Variants in TECTA observed in about 807,000 individuals in gnomAD.
TECTA encodes the protein alpha-tectorin.
A neutral mutation model predicts 216.8 loss-of-function variants in TECTA; 128 were observed. That is an observed-to-expected ratio of 0.59 (90% CI 0.51 to 0.68). TECTA has a LOEUF of 0.68. Among genes scored for constraint, TECTA ranks in the 30% least tolerant of loss-of-function variants. The pLI, the probability that TECTA is intolerant of heterozygous loss-of-function variation, is 0.00. For missense variants in TECTA, 2,551 were observed against 2,786.2 expected (o/e 0.92, Z 1.90); for synonymous variants, 1,089 against 1,117.1 (o/e 0.97, Z 0.50).
intron 20 of TECTA, among the ~76,000 whole-genome samples, chr11:121,172,255 G>A (rs1007665821): frequency 3.9e-5 from 6 of 151,962 alleles, no homozygotes; most frequent in Admixed American, 2.6e-4. Flanking sequence ...AGTTACATAT[G>A]TATACATGTG....
chr11:121,163,074 C>T (rs921925840), intron 16 of TECTA, among the ~76,000 whole-genome samples: 1 of 152,074 alleles, frequency 6.6e-6, no homozygotes, highest in African/African-American at 2.4e-5. Context: ...ACTAGTGTGG[C>T]CAATGGAATG....
At chr11:121,170,439 T>C (rs1295752962) in intron 20 of TECTA, among the ~76,000 whole-genome samples, 3 of 145,712 alleles carry the variant, frequency 2.1e-5, no homozygotes, top group African/African-American at 8.5e-5. Context: ...TTTTGTTTTG[T>C]TTGGTTTTGT....
At chr11:121,158,326 T>A in intron 14 of TECTA, 102 bp downstream of exon 14, 6 of 1,479,016 alleles carry the variant, frequency 4.1e-6, no homozygotes, top group Non-Finnish European at 5.6e-6. Context: ...TAGGATAGAT[T>A]GTTGCTTCAT....
rs551848615 is a variant in TECTA at position 121,144,679 on chromosome 11, C to A, written c.3544-876C>A. On this transcript the variant is annotated intron_variant, in intron 11 of 23. Coordinates refer to ENST00000392793, the MANE Select transcript of TECTA (RefSeq NM_005422.4). The stretch of plus-strand genomic sequence containing the variant: ...CTGGAGTTTACTGTTAAGGGATTTC[C>A]CTCTTGTCTGAATTTAAAAATATGT... 2.6e-5 allele frequency among the ~76,000 whole-genome samples: 4 copies of A among 152,282 alleles called. No individual in the cohort carries two copies. The South Asian group carries it at 8.3e-4, about 32-fold the overall frequency.
intron 10 of TECTA, among the ~76,000 whole-genome samples, chr11:121,135,188 G>A (rs1185171066): frequency 6.6e-6 from 1 of 152,210 alleles, no homozygotes; most frequent in Non-Finnish European, 1.5e-5. Flanking sequence ...GATGACAGCT[G>A]TGAATCAGGA....
intron 20 of TECTA, among the ~76,000 whole-genome samples, chr11:121,182,898 C>T (rs1387079387): frequency 1.3e-5 from 2 of 152,134 alleles, no homozygotes; most frequent in Non-Finnish European, 2.9e-5. Flanking sequence ...CCCATGACAG[C>T]ACCTGGTGGG....
chr11:121,190,804 T>A lies in TECTA; in HGVS notation c.6466T>A (p.Ter2156LysextTer26), dbSNP rs1947333999. The A allele has an allele frequency of 6.2e-7, 1 of 1,607,974 alleles. No homozygotes were observed. Reference sequence around the variant, plus strand: ...TGTCTATAAATCAGGCACGACCTCATAATTAACTCAAGGTTGCTATATAAA... The same window carrying A: ...TGTCTATAAATCAGGCACGACCTCAAAATTAACTCAAGGTTGCTATATAAA... ...HFVYKSGTTS[*>K] The change falls in exon 24 of 24, where the codon TAA (stop) becomes AAA (lysine). Residue 2156 changes from the stop codon to lysine, a stop_lost. Transcript: ENST00000392793.
At position 121,130,358 on chromosome 11, in the gene TECTA, T is replaced by A. The variant is rs1045598714; in HGVS notation, c.2941+147T>A. The A allele has an allele frequency of 6.4e-6, 6 of 930,970 alleles. 1 individual carries two copies. The highest frequency in any genetic ancestry group is 2.6e-5 in the East Asian group (1 of 37,806). The allele number at this position is 930,970 out of a possible 1,614,324, so 57.7% of individuals were successfully genotyped here. Reference sequence around the variant, plus strand: ...ATACCTACCCTAGTCTGATGTGTCCTCCCAAAGACTCATCACCCCAAACCG... The same window carrying A: ...ATACCTACCCTAGTCTGATGTGTCCACCCAAAGACTCATCACCCCAAACCG... On this transcript the variant is annotated intron_variant, in intron 10 of 23. Transcript: ENST00000392793.
chr11:121,162,356 A>C lies in TECTA; in HGVS notation c.5258A>C (p.Glu1753Ala). The change falls in exon 16 of 24, where the codon GAG (glutamate) becomes GCG (alanine). Residue 1753 changes from glutamate to alanine, a missense_variant. Glu to Ala is a moderately radical substitution (Grantham distance 107, BLOSUM62 -1). Transcript: ENST00000392793. ...GGGATCCTTAGCACCGAGTGGATTG[A>C]GAAGGAGAATTGCTGTAAGAGAATT... ...SFGILSTEWIEKENCSGVVED... is the reference protein window; with the variant it reads ...SFGILSTEWIAKENCSGVVED... The C allele has an allele frequency of 6.2e-7, 1 of 1,613,292 alleles. No individual in the cohort carries two copies. Among genetic ancestry groups the C allele is most frequent in the Non-Finnish European group, 8.5e-7 (1 of 1,180,034 alleles).
chr11:121,134,568 CAA>C (rs1360700348), intron 10 of TECTA, among the ~76,000 whole-genome samples: 2 of 143,318 alleles, frequency 1.4e-5, no homozygotes, highest in African/African-American at 5.3e-5. Context: ...CATACTTTCC[CAA>C]AGTCTTTTTT....
chr11:121,130,272 C>T (rs1946661307), intron 10 of TECTA, 61 bp downstream of exon 10: 25 of 1,568,604 alleles, frequency 1.6e-5, no homozygotes, highest in Non-Finnish European at 2.2e-5. Context: ...CCATGCTGGG[C>T]CTTACTCAGG....
chr11:121,165,674 G>A (rs1281919090), intron 17 of TECTA, among the ~76,000 whole-genome samples: 2 of 152,210 alleles, frequency 1.3e-5, no homozygotes, highest in East Asian at 1.9e-4. Context: ...CAAGGAAATA[G>A]GGTATTTTGA....
intron 7 of TECTA, among the ~76,000 whole-genome samples, chr11:121,124,100 C>T (rs1946584279): frequency 6.6e-6 from 1 of 152,182 alleles, no homozygotes; most frequent in South Asian, 2.1e-4. Context: ...ATTTCCTGCT[C>T]TTTATTTTTC....
At chr11:121,124,039 C>T (rs1402092865) in intron 7 of TECTA, among the ~76,000 whole-genome samples, 1 of 152,200 alleles carries the variant, frequency 6.6e-6, no homozygotes, top group Non-Finnish European at 1.5e-5. Flanking sequence ...TCTTCCCTGA[C>T]CATCCTATTT....
At chr11:121,128,466 C>A in intron 9 of TECTA, 122 bp downstream of exon 9, 1 of 892,738 alleles carries the variant, frequency 1.1e-6, no homozygotes, top group Non-Finnish European at 1.7e-6. Flanking sequence ...AAGAAGATGG[C>A]TCCAAACGGG....
At position 121,190,946 on chromosome 11, in the gene TECTA, A is replaced by G. The variant is rs2134218862; in HGVS notation, c.*140A>G. 1.5e-6 allele frequency: 1 copy of G among 680,552 alleles called. No homozygotes were observed. The highest frequency in any genetic ancestry group is 2.6e-6 in the Non-Finnish European group (1 of 388,786). The allele number at this position is 680,552 out of a possible 1,614,324, so 42.2% of individuals were successfully genotyped here. A position where few individuals can be genotyped will look rare whatever the true frequency, so the allele number is the denominator to read the frequency against. On this transcript the variant is annotated 3_prime_UTR_variant, in exon 24 of 24. Coordinates refer to ENST00000392793, the MANE Select transcript of TECTA (RefSeq NM_005422.4). ...TGATGCCACCTGCCTCCAATGGTCC[A>G]AGGTCCAGAAACCAGCGACCATCCA...
chr11:121,112,020 G>A (rs1010248128), intron 4 of TECTA, among the ~76,000 whole-genome samples: 8 of 152,196 alleles, frequency 5.3e-5, no homozygotes, highest in African/African-American at 1.9e-4. Context: ...ATAAGGATTT[G>A]TGTCTTCCTC....
intron 14 of TECTA, 79 bp from the exon 15 acceptor site, chr11:121,160,056 T>C: frequency 1.3e-6 from 2 of 1,586,448 alleles, no homozygotes; most frequent in South Asian, 2.2e-5. Context: ...ACCCAAAATA[T>C]TTTCCCTGGC....
intron 16 of TECTA, among the ~76,000 whole-genome samples, 193 bp downstream of exon 16, chr11:121,162,563 A>C (rs1390149248): frequency 6.6e-6 from 1 of 152,130 alleles, no homozygotes; most frequent in Non-Finnish European, 1.5e-5. Context: ...AGCCTAACCC[A>C]CCTACGGCTC....
Sources: gnomAD v4.1 joint callset for allele counts (sites outside exome capture counted in the v4.1 genomes callset) on GRCh38, gnomAD v4.1.1 for gene constraint, MANE v1.5 for transcripts, NCBI Gene and HGNC (gene_info 2026-07-23, HGNC 2026-07-21) for gene names.